The following USH2A variants were observed in gnomAD, a reference collection of about 807,000 sequenced individuals.
USH2A encodes the protein usherin.
Under a neutral mutation model 538.9 loss-of-function variants are expected in USH2A, and 443 were observed. That is an observed-to-expected ratio of 0.82 (90% CI 0.76 to 0.89). USH2A has a LOEUF of 0.89. USH2A is among the 40% of genes least tolerant of loss of function. The probability of loss-of-function intolerance (pLI) is 0.00; values close to 1 mark genes in which losing one functional copy is unlikely to be tolerated. For synonymous variants in USH2A, 2,413 were observed against 2,273.5 expected, an observed-to-expected ratio of 1.06 and a Z score of -1.75; for missense variants, 6,633 against 6,324.8, an observed-to-expected ratio of 1.05 and a Z score of -1.65.
intron 68 of USH2A, among the ~76,000 whole-genome samples, chr1:215,639,810 G>A (rs1474368191): frequency 6.6e-6 from 1 of 152,190 alleles, no homozygotes; most frequent in Non-Finnish European, 1.5e-5. Context: ...CAATGAACAT[G>A]TGTAGCTGAA....
At chr1:216,093,133 T>C (rs2032345288) in intron 22 of USH2A, among the ~76,000 whole-genome samples, 1 of 152,010 alleles carries the variant, frequency 6.6e-6, no homozygotes, top group Non-Finnish European at 1.5e-5. Flanking sequence ...CCCAGCTAAG[T>C]TTTGTATTTT....
chr1:216,317,400 G>C (rs966569512), intron 9 of USH2A, among the ~76,000 whole-genome samples: 1 of 152,102 alleles, frequency 6.6e-6, no homozygotes, highest in South Asian at 2.1e-4. Context: ...TAGGGATGGT[G>C]GGGGCTGTGG....
chr1:215,665,720 T>C (rs538207422), intron 64 of USH2A, among the ~76,000 whole-genome samples: 7 of 152,346 alleles, frequency 4.6e-5, no homozygotes, highest in Middle Eastern at 6.8e-3. Flanking sequence ...TCACACTGCA[T>C]GTATTAGAAT....
intron 37 of USH2A, among the ~76,000 whole-genome samples, chr1:215,955,232 T>C (rs1571844189): frequency 6.6e-6 from 1 of 152,300 alleles, no homozygotes; most frequent in Middle Eastern, 3.4e-3. Context: ...TTTCTAAATG[T>C]TTCAGATGTT....
chr1:216,178,922 G>A (rs2034440654), intron 20 of USH2A, among the ~76,000 whole-genome samples: 1 of 152,126 alleles, frequency 6.6e-6, no homozygotes, highest in Admixed American at 6.6e-5. Flanking sequence ...TGTAGACAGA[G>A]CATCACAAAT....
intron 16 of USH2A, among the ~76,000 whole-genome samples, chr1:216,206,751 A>G (rs1028883628): frequency 1.3e-5 from 2 of 152,230 alleles, no homozygotes; most frequent in Admixed American, 6.5e-5. Flanking sequence ...TATGCCATAT[A>G]CTATAATTTC....
chr1:215,638,324 T>G (rs1656564836), intron 69 of USH2A, among the ~76,000 whole-genome samples: 1 of 152,204 alleles, frequency 6.6e-6, no homozygotes, highest in African/African-American at 2.4e-5. Flanking sequence ...TTTGGCATTT[T>G]AAGAGTACAT....
intron 64 of USH2A, among the ~76,000 whole-genome samples, chr1:215,663,528 C>T (rs59192192): frequency 0.028 from 4,250 of 152,174 alleles, 162 homozygotes; most frequent in African/African-American, 0.08. Context: ...GTGTGTGTAG[C>T]GTGCTAGGGC....
chr1:216,253,648 C>A (rs1264093738), intron 11 of USH2A, among the ~76,000 whole-genome samples: 2 of 152,202 alleles, frequency 1.3e-5, no homozygotes, highest in African/African-American at 4.8e-5. Context: ...ACTTCTGCTT[C>A]TTCCATTTTG....
chr1:216,020,117 A>G (rs956563175), intron 32 of USH2A, among the ~76,000 whole-genome samples: 4 of 152,206 alleles, frequency 2.6e-5, no homozygotes, highest in African/African-American at 9.6e-5. Flanking sequence ...AAAGACACTT[A>G]TAAGTGTTCA....
intron 32 of USH2A, among the ~76,000 whole-genome samples, chr1:216,014,488 G>T (rs1328027359): frequency 6.6e-6 from 1 of 152,144 alleles, no homozygotes; most frequent in Non-Finnish European, 1.5e-5. Context: ...CACTTCAAGG[G>T]CAACACAAAT....
At position 215,759,672 on chromosome 1, in the gene USH2A, T is replaced by A; in HGVS notation, c.11219A>T (p.Glu3740Val). 1.2e-6 allele frequency: 2 copies of A among 1,613,978 alleles called. No individual in the cohort carries two copies. Among genetic ancestry groups the A allele is most frequent in the Non-Finnish European group, 1.7e-6 (2 of 1,179,886 alleles). The change falls in exon 57 of 72, where the codon GAG becomes GTG. Residue 3740 changes from glutamate (E) to valine (V), a missense_variant. By Grantham distance (121) the Glu-to-Val change is moderately radical. Coordinates refer to ENST00000307340, the MANE Select transcript of USH2A (RefSeq NM_206933.4). ...EEQNFTDKNL[E>V]PNSRYTYKLE... is the part of the protein sequence containing the mutation. ...TCTTTTAGTTTACCTGCTATTGGGC[T>A]CCAGGTTTTTATCAGTGAAATTCTG...
At chr1:216,048,487 T>C (rs1425738396) in intron 31 of USH2A, 47 bp downstream of exon 31, 2 of 1,559,952 alleles carry the variant, frequency 1.3e-6, no homozygotes, top group Non-Finnish European at 1.8e-6. Flanking sequence ...CCTATTTTAT[T>C]ATTCATGACT....
At chr1:216,266,076 T>A (rs1262829224) in intron 11 of USH2A, among the ~76,000 whole-genome samples, 2 of 152,140 alleles carry the variant, frequency 1.3e-5, no homozygotes, top group Non-Finnish European at 2.9e-5. Flanking sequence ...CACAAAGAAA[T>A]GATACAGGTT....
chr1:215,772,732 T>A (rs1197596637), intron 55 of USH2A, among the ~76,000 whole-genome samples: 1 of 152,228 alleles, frequency 6.6e-6, no homozygotes, highest in Non-Finnish European at 1.5e-5. Context: ...TAATTTCACA[T>A]AGCAAGTGCT....
At chr1:215,664,020 G>A (rs1657524622) in intron 64 of USH2A, among the ~76,000 whole-genome samples, 2 of 152,106 alleles carry the variant, frequency 1.3e-5, no homozygotes, top group African/African-American at 4.8e-5. Flanking sequence ...CATCATCCGA[G>A]TCCTGCATCC....
chr1:215,855,885 A>G (rs566198232), intron 44 of USH2A, among the ~76,000 whole-genome samples: 5 of 152,292 alleles, frequency 3.3e-5, no homozygotes, highest in Admixed American at 1.3e-4. Context: ...AAAGCCAAAT[A>G]TTTACAGCCA....
chr1:215,906,415 G>A (rs1031938361), intron 38 of USH2A, among the ~76,000 whole-genome samples: 4 of 151,952 alleles, frequency 2.6e-5, no homozygotes, highest in South Asian at 2.1e-4. Flanking sequence ...ATTTCAAATC[G>A]CAGAACTGAT....
intron 48 of USH2A, among the ~76,000 whole-genome samples, chr1:215,816,211 T>C (rs12084835): frequency 0.037 from 5,639 of 152,164 alleles, 376 homozygotes; most frequent in African/African-American, 0.13. Context: ...CTTAATGGCA[T>C]AAAATGATGT....
Sources: allele counts gnomAD v4.1 joint callset (sites outside exome capture counted in the v4.1 genomes callset), GRCh38; gene constraint gnomAD v4.1.1; transcripts MANE v1.5; gene names NCBI Gene and HGNC (gene_info 2026-07-23, HGNC 2026-07-21).